The following PLCB4 variants were observed in gnomAD, a reference collection of about 807,000 sequenced individuals.
PLCB4 encodes 1-phosphatidylinositol 4,5-bisphosphate phosphodiesterase beta-4.
PLCB4 carries 77 observed loss-of-function variants against 178.8 expected under a neutral mutation model. The observed-to-expected ratio is 0.43, with a 90% CI of 0.36 to 0.52. PLCB4 has a LOEUF of 0.52. Among genes scored for constraint, PLCB4 ranks in the 20% least tolerant of loss-of-function variants. The pLI is 0.00. For synonymous variants in PLCB4, 496 were observed against 490.8 expected (o/e 1.01, Z -0.14); for missense variants, 1,024 against 1,453.4 (o/e 0.70, Z 4.80).
At chr20:9,360,878 TC>T (rs2035265263) in intron 7 of PLCB4, among the ~76,000 whole-genome samples, 1 of 152,186 alleles carries the variant, frequency 6.6e-6, no homozygotes, top group South Asian at 2.1e-4. Flanking sequence ...CCCTAAGTCT[TC>T]CCTCAGAAAA....
intron 1 of PLCB4, among the ~76,000 whole-genome samples, chr20:9,089,380 A>T (rs1165569133): frequency 6.6e-6 from 1 of 152,104 alleles, no homozygotes; most frequent in Non-Finnish European, 1.5e-5. Flanking sequence ...AAATATTGGA[A>T]AATAACTTAA....
At chr20:9,108,928 A>C (rs1179097733) in intron 2 of PLCB4, among the ~76,000 whole-genome samples, 1 of 146,802 alleles carries the variant, frequency 6.8e-6, no homozygotes, top group Non-Finnish European at 1.5e-5. Flanking sequence ...AGAGAGAGAA[A>C]GAGAGAGAGG....
intron 2 of PLCB4, among the ~76,000 whole-genome samples, chr20:9,144,146 T>C (rs886889871): frequency 2.0e-5 from 3 of 152,002 alleles, no homozygotes; most frequent in Non-Finnish European, 4.4e-5. Context: ...AAACAAGCTG[T>C]AGGAGGCAGA....
intron 5 of PLCB4, 100 bp downstream of exon 5, chr20:9,337,306 A>C (rs1013292159): frequency 3.5e-5 from 27 of 778,992 alleles, no homozygotes; most frequent in Admixed American, 2.9e-4. Flanking sequence ...CCCTACCCTT[A>C]TTCATTCATT....
At chr20:9,360,083 C>T (rs142574815) in intron 7 of PLCB4, among the ~76,000 whole-genome samples, 19 of 152,322 alleles carry the variant, frequency 1.2e-4, no homozygotes, top group African/African-American at 3.6e-4. Context: ...ATCCCCAACA[C>T]GAAGAATGTA....
chr20:9,231,809 C>T (rs1405156062), intron 3 of PLCB4, among the ~76,000 whole-genome samples: 2 of 151,936 alleles, frequency 1.3e-5, no homozygotes, highest in African/African-American at 4.8e-5. Flanking sequence ...GTTTTGTTTC[C>T]CAAGAGAATG....
chr20:9,134,977 C>T (rs576809952), intron 2 of PLCB4, among the ~76,000 whole-genome samples: 3 of 152,144 alleles, frequency 2.0e-5, no homozygotes, highest in South Asian at 4.1e-4. Flanking sequence ...GTAAGCACTG[C>T]TGTAGAATGG....
chr20:9,330,868 T>C (rs1458144214), intron 4 of PLCB4, among the ~76,000 whole-genome samples: 2 of 152,204 alleles, frequency 1.3e-5, no homozygotes, highest in East Asian at 1.9e-4. Flanking sequence ...TTATGTGAGA[T>C]AGTATTTGTG....
At chr20:9,184,268 T>C (rs748833855) in intron 2 of PLCB4, among the ~76,000 whole-genome samples, 1 of 152,182 alleles carries the variant, frequency 6.6e-6, no homozygotes, top group African/African-American at 2.4e-5. Flanking sequence ...TTCTTTAGCT[T>C]CTTTTATGGC....
At chr20:9,443,436 G>A (rs2042226861) in intron 30 of PLCB4, among the ~76,000 whole-genome samples, 1 of 152,132 alleles carries the variant, frequency 6.6e-6, no homozygotes, top group Non-Finnish European at 1.5e-5. Context: ...TATGAATTTT[G>A]GCTGATTGGG....
At chr20:9,303,227 T>C (rs1188092093) in intron 3 of PLCB4, among the ~76,000 whole-genome samples, 1 of 152,198 alleles carries the variant, frequency 6.6e-6, no homozygotes, top group East Asian at 1.9e-4. Context: ...TATGTGGTTA[T>C]GTGTGTACAT....
chr20:9,231,714 G>A (rs1327430876), intron 3 of PLCB4, among the ~76,000 whole-genome samples: 1 of 152,064 alleles, frequency 6.6e-6, no homozygotes, highest in African/African-American at 2.4e-5. Flanking sequence ...AAAATTTTCA[G>A]TACATTTACA....
intron 35 of PLCB4, among the ~76,000 whole-genome samples, chr20:9,460,838 T>G (rs1434677802): frequency 6.6e-6 from 1 of 152,208 alleles, no homozygotes; most frequent in African/African-American, 2.4e-5. Flanking sequence ...GAACAAAGTG[T>G]TTTTGCCCTG....
intron 17 of PLCB4, among the ~76,000 whole-genome samples, chr20:9,390,924 C>A (rs2038087979): frequency 6.6e-6 from 1 of 152,174 alleles, no homozygotes; most frequent in Non-Finnish European, 1.5e-5. Context: ...ATGTTAGAAT[C>A]ACCTACAAAA....
At chr20:9,339,106 G>T in intron 7 of PLCB4, 69 bp downstream of exon 7, 3 of 1,162,664 alleles carry the variant, frequency 2.6e-6, no homozygotes, top group African/African-American at 1.6e-5. Context: ...AATTTTATGC[G>T]TGCTATATTT....
intron 1 of PLCB4, among the ~76,000 whole-genome samples, chr20:9,070,835 G>A (rs2180672): frequency 0.88 from 133,323 of 152,194 alleles, 58,852 homozygotes; most frequent in East Asian, 1. Context: ...AGTTTTGATG[G>A]TATTACTACC....
At chr20:9,224,350 C>CA (rs545874714) in intron 3 of PLCB4, among the ~76,000 whole-genome samples, 81 of 152,238 alleles carry the variant, frequency 5.3e-4, no homozygotes, top group Non-Finnish European at 1.1e-3. Context: ...CAGTCCTTAA[C>CA]AAAATGTGAA....
At chr20:9,450,852 T>C (rs1602873226) in intron 32 of PLCB4, among the ~76,000 whole-genome samples, 1 of 152,010 alleles carries the variant, frequency 6.6e-6, no homozygotes, top group African/African-American at 2.4e-5. Flanking sequence ...TTTTGCCATG[T>C]TAGCCAGGCT....
intron 3 of PLCB4, among the ~76,000 whole-genome samples, chr20:9,228,727 G>C (rs1012545159): frequency 6.6e-6 from 1 of 152,190 alleles, no homozygotes; most frequent in Non-Finnish European, 1.5e-5. Context: ...AGAGCACTGA[G>C]TGAAACACTT....
Sources: gnomAD v4.1 joint callset for allele counts (sites outside exome capture counted in the v4.1 genomes callset) on GRCh38, gnomAD v4.1.1 for gene constraint, MANE v1.5 for transcripts, NCBI Gene and HGNC (gene_info 2026-07-23, HGNC 2026-07-21) for gene names.